MYBPC1: variants seen among roughly 807,000 people sequenced by gnomAD.
MYBPC1 encodes the protein myosin binding protein C1.
A neutral mutation model predicts 147.1 loss-of-function variants in MYBPC1; 52 were observed. The observed-to-expected ratio is 0.35, with a 90% CI of 0.28 to 0.45. The LOEUF (loss-of-function observed/expected upper bound fraction) is 0.45. Among genes scored for constraint, MYBPC1 ranks in the 20% least tolerant of loss-of-function variants. The pLI is 1.00. For synonymous variants in MYBPC1, 477 were observed against 475.9 expected, an observed-to-expected ratio of 1.00 and a Z score of -0.03; for missense variants, 1,228 against 1,440.3, an observed-to-expected ratio of 0.85 and a Z score of 2.39.
chr12:101,626,788 C>G (rs1422767982), intron 3 of MYBPC1, 84 bp from the exon 4 acceptor site: 3 of 1,205,608 alleles, frequency 2.5e-6, no homozygotes, highest in Non-Finnish European at 3.7e-6. Context: ...GGTTTCTCAT[C>G]TTCTTTTTCA....
chr12:101,631,439 T>C (rs1889866786), intron 6 of MYBPC1, 132 bp from the exon 7 acceptor site: 27 of 1,067,874 alleles, frequency 2.5e-5, no homozygotes, highest in Non-Finnish European at 3.9e-5. Context: ...TCAGGACGAA[T>C]TCATTTCACA....
chr12:101,665,293 T>C (rs1897239586), intron 22 of MYBPC1, among the ~76,000 whole-genome samples: 1 of 152,206 alleles, frequency 6.6e-6, no homozygotes, highest in South Asian at 2.1e-4. Flanking sequence ...CGTGTATCTC[T>C]TTCTTCTTGC....
At chr12:101,665,121 G>C (rs918076402) in intron 22 of MYBPC1, among the ~76,000 whole-genome samples, 2 of 152,070 alleles carry the variant, frequency 1.3e-5, no homozygotes, top group Non-Finnish European at 2.9e-5. Context: ...ACCCACCTTA[G>C]ATAAAATACA....
intron 18 of MYBPC1, 21 bp from the exon 19 acceptor site, chr12:101,659,650 AT>A (rs1440564256): frequency 6.2e-7 from 1 of 1,613,818 alleles, no homozygotes; most frequent in African/African-American, 1.3e-5. Context: ...ATCATGCCAC[AT>A]TTTGTTTCTC....
chr12:101,600,901 G>A (rs1593578811), intron 1 of MYBPC1, among the ~76,000 whole-genome samples: 1 of 152,298 alleles, frequency 6.6e-6, no homozygotes, highest in East Asian at 1.9e-4. Flanking sequence ...TTAATTTCAT[G>A]TGTGTACCTG....
intron 1 of MYBPC1, among the ~76,000 whole-genome samples, chr12:101,595,935 A>G (rs1443481358): frequency 6.6e-6 from 1 of 152,098 alleles, no homozygotes; most frequent in Non-Finnish European, 1.5e-5. Flanking sequence ...GCACAAATTA[A>G]TACTATGCAT....
At chr12:101,654,587 GGA>G (rs1464403463) in intron 18 of MYBPC1, among the ~76,000 whole-genome samples, 1 of 152,164 alleles carries the variant, frequency 6.6e-6, no homozygotes, top group African/African-American at 2.4e-5. Flanking sequence ...ACATACTGGA[GGA>G]GAGAGCTGCA....
chr12:101,646,063 T>C (rs945183385), intron 12 of MYBPC1, among the ~76,000 whole-genome samples: 2 of 152,206 alleles, frequency 1.3e-5, no homozygotes, highest in East Asian at 3.8e-4. Flanking sequence ...ATCAAGTCTC[T>C]ACCCACCTAT....
At position 101,673,047 on chromosome 12, in the gene MYBPC1, G is replaced by GAT. The variant is rs1245422415; in HGVS notation, c.2614-380_2614-379insAT. Among the ~76,000 whole-genome samples the GAT allele has an allele frequency of 2.0e-5, 3 of 152,148 alleles. No individual in the cohort carries two copies. The East Asian group carries it at 5.8e-4, about 29-fold the overall frequency. On this transcript the variant is annotated intron_variant, in intron 24 of 31. Coordinates refer to ENST00000361466, the MANE Select transcript of MYBPC1 (RefSeq NM_002465.4). ...TAGACATAGATTCCAGGGCCCCAGAGCCCATGCTCTTAACAATTATCCTGT... is the reference window on the plus strand; with the variant it reads ...TAGACATAGATTCCAGGGCCCCAGAGATCCCATGCTCTTAACAATTATCCTGT...
At chr12:101,628,414 A>G (rs577805672) in intron 5 of MYBPC1, among the ~76,000 whole-genome samples, 2 of 152,238 alleles carry the variant, frequency 1.3e-5, no homozygotes, top group Non-Finnish European at 2.9e-5. Flanking sequence ...ATGTAATCAC[A>G]TGACTATGAT....
intron 2 of MYBPC1, among the ~76,000 whole-genome samples, chr12:101,615,662 GCC>G (rs200320748): frequency 3.2e-4 from 14 of 43,466 alleles, no homozygotes; most frequent in African/African-American, 9.8e-4. Flanking sequence ...AGAACCCCCC[GCC>G]CCCCCCCCGC....
rs765231875 is a variant in MYBPC1, at chr12:101,629,502, A to G, written c.247A>G (p.Ile83Val). 3.7e-5 allele frequency: 60 copies of G among 1,613,872 alleles called. No homozygotes were observed. Among genetic ancestry groups the G allele is most frequent in the South Asian group, 1.8e-4 (16 of 91,078 alleles). Residue 83 changes from isoleucine (I) to valine (V), a missense_variant, in exon 6 of 32, where the codon ATC becomes GTC. Ile to Val is a conservative substitution (Grantham distance 29). Coordinates refer to ENST00000361466, the MANE Select transcript of MYBPC1 (RefSeq NM_002465.4). Reference protein sequence around the residue: ...AKQNANSQLSILFIEKPQGGT... With the variant: ...AKQNANSQLSVLFIEKPQGGT... ...GCAGAATGCCAACTCCCAGCTGTCC[A>G]TCTTGTTCATTGAAAAACCTCAAGG...
chr12:101,651,796 C>T (rs1375851520), intron 16 of MYBPC1, among the ~76,000 whole-genome samples: 1 of 152,088 alleles, frequency 6.6e-6, no homozygotes, highest in African/African-American at 2.4e-5. Flanking sequence ...AAAAATTAGC[C>T]AGGCGTGGTG....
At chr12:101,605,013 G>A (rs1215379326) in intron 1 of MYBPC1, among the ~76,000 whole-genome samples, 1 of 152,140 alleles carries the variant, frequency 6.6e-6, no homozygotes. Flanking sequence ...CCTTTCCCAA[G>A]TCCCAGGCCC....
chr12:101,661,611 G>T (rs1182580486), intron 20 of MYBPC1, among the ~76,000 whole-genome samples: 4 of 152,092 alleles, frequency 2.6e-5, no homozygotes, highest in Admixed American at 2.6e-4. Flanking sequence ...TAATTAGGCT[G>T]AGCATTGTGG....
intron 1 of MYBPC1, among the ~76,000 whole-genome samples, chr12:101,608,962 G>A (rs185025494): frequency 7.2e-5 from 11 of 152,188 alleles, no homozygotes; most frequent in African/African-American, 9.6e-5. Context: ...GCCAGGGGAC[G>A]GTTATGGATT....
At chr12:101,643,622 C>T (rs1892515488) in intron 11 of MYBPC1, among the ~76,000 whole-genome samples, 1 of 152,060 alleles carries the variant, frequency 6.6e-6, no homozygotes, top group Admixed American at 6.5e-5. Flanking sequence ...TGAAGCATTT[C>T]ACATTTGTAT....
At chr12:101,656,962 T>C (rs1220791060) in intron 18 of MYBPC1, among the ~76,000 whole-genome samples, 1 of 152,060 alleles carries the variant, frequency 6.6e-6, no homozygotes, top group Non-Finnish European at 1.5e-5. Flanking sequence ...TAAAAACACC[T>C]TAACAAATTT....
Position 101,667,750 on chromosome 12 carries a change from C to T in MYBPC1, c.2375C>T (p.Ala792Val). 6.2e-7 allele frequency: 1 copy of T among 1,614,078 alleles called. No individual in the cohort carries two copies. The highest frequency in any genetic ancestry group is 8.5e-7 in the Non-Finnish European group (1 of 1,180,020). The change falls in exon 23 of 32, where the codon GCA becomes GTA. Residue 792 changes from alanine (A) to valine (V), a missense_variant. Transcript: ENST00000361466. ...CFEGTEDWIVANKDLIDKTKF... is the reference protein window; with the variant it reads ...CFEGTEDWIVVNKDLIDKTKF... ...ACTTCAGCTGAGGACTGGATAGTTG[C>T]AAACAAAGATCTGATTGACAAGACG...
Sources: allele counts gnomAD v4.1 joint callset (sites outside exome capture counted in the v4.1 genomes callset), GRCh38; gene constraint gnomAD v4.1.1; transcripts MANE v1.5; gene names NCBI Gene and HGNC (gene_info 2026-07-23, HGNC 2026-07-21).